ARHGAP42: variants seen among roughly 807,000 people sequenced by gnomAD.
ARHGAP42 encodes the protein Rho GTPase activating protein 42.
Under a neutral mutation model 125.0 loss-of-function variants are expected in ARHGAP42, and 63 were observed. The observed-to-expected ratio is 0.50, with a 90% CI of 0.41 to 0.62. The LOEUF (loss-of-function observed/expected upper bound fraction) is 0.62, where lower values mean the gene tolerates loss of function less well. ARHGAP42 is among the 20% of genes least tolerant of loss of function. The pLI is 0.00. For synonymous variants in ARHGAP42, 339 were observed against 351.0 expected (o/e 0.97, Z 0.38); for missense variants, 766 against 1,024.2 (o/e 0.75, Z 3.44).
At chr11:100,914,506 T>C (rs2135233207) in intron 5 of ARHGAP42, among the ~76,000 whole-genome samples, 1 of 64,910 alleles carries the variant, frequency 1.5e-5, no homozygotes, top group Non-Finnish European at 2.8e-5. Context: ...ATTGTCACCT[T>C]GAGAACAACA....
chr11:100,985,748 T>G (rs550174047), intron 22 of ARHGAP42, among the ~76,000 whole-genome samples: 1 of 152,356 alleles, frequency 6.6e-6, no homozygotes, highest in South Asian at 2.1e-4. Flanking sequence ...TCACCTCTGA[T>G]GAAAAGACTG....
rs1862466054 is a variant in ARHGAP42 at position 100,751,799 on chromosome 11, T to TTTTTTTTG, written c.155-18544_155-18543insTTTTTTTG. On this transcript the variant is annotated intron_variant, in intron 1 of 23. Transcript: ENST00000298815. ...TTTTTTTTTTTTTTTTTTTTTTTTT[T>TTTTTTTTG]GACGGAATCTCCCTTTGTCGCCCAG... 1.5e-5 allele frequency among the ~76,000 whole-genome samples: 2 copies of TTTTTTTTG among 134,374 alleles called. 1 individual carries two copies. The highest frequency in any genetic ancestry group is 3.2e-5 in the Non-Finnish European group (2 of 62,560). The allele number at this position is 134,374 out of a possible 152,430, so 88.2% of individuals were successfully genotyped here. A position where few individuals can be genotyped will look rare whatever the true frequency, so the allele number is the denominator to read the frequency against.
intron 22 of ARHGAP42, among the ~76,000 whole-genome samples, chr11:100,980,124 T>C (rs546486438): frequency 1.3e-5 from 2 of 152,306 alleles, no homozygotes; most frequent in Non-Finnish European, 2.9e-5. Context: ...TAGAGCCACT[T>C]TGGTATCTTC....
intron 3 of ARHGAP42, among the ~76,000 whole-genome samples, chr11:100,837,096 A>C (rs1001111905): frequency 3.3e-5 from 5 of 152,186 alleles, no homozygotes; most frequent in African/African-American, 4.8e-5. Flanking sequence ...AATTTCAAGA[A>C]TAGAAAGAAC....
At chr11:100,723,486 T>C (rs1423843827) in intron 1 of ARHGAP42, among the ~76,000 whole-genome samples, 1 of 152,188 alleles carries the variant, frequency 6.6e-6, no homozygotes, top group Non-Finnish European at 1.5e-5. Context: ...AGATCTTAGA[T>C]ATATTTTGTT....
At position 100,989,008 on chromosome 11, in the gene ARHGAP42, T is replaced by C. The variant is rs1386665997; in HGVS notation, c.*207T>C. 3.4e-5 allele frequency: 17 copies of C among 494,724 alleles called. 1 individual carries two copies. The South Asian group carries it at 5.8e-4, about 17-fold the overall frequency. The allele number at this position is 494,724 out of a possible 1,614,324, so 30.6% of individuals were successfully genotyped here. On this transcript the variant is annotated 3_prime_UTR_variant, in exon 24 of 24. Coordinates refer to ENST00000298815, the MANE Select transcript of ARHGAP42 (RefSeq NM_152432.4). Reference sequence around the variant, plus strand: ...CCATTCTTTTTTGGTTGGTTTCTTATTTTAAAATATCTTACTTGTGAAAAA... The same window carrying C: ...CCATTCTTTTTTGGTTGGTTTCTTACTTTAAAATATCTTACTTGTGAAAAA...
chr11:100,737,580 G>A (rs766125653), intron 1 of ARHGAP42, among the ~76,000 whole-genome samples: 16 of 151,964 alleles, frequency 1.1e-4, no homozygotes, highest in East Asian at 5.8e-4. Flanking sequence ...TTCAACGTTC[G>A]CAGGTATTCC....
rs140956414 is a variant in ARHGAP42, at chr11:100,876,459, C to T, written c.384+16834C>T. 1.4e-4 allele frequency among the ~76,000 whole-genome samples: 22 copies of T among 152,262 alleles called. No individual in the cohort carries two copies. In the East Asian group the frequency reaches 4.1e-3, roughly 28 times the overall value. ...AGATGCTTTTATTTAGTTTTCAGAA[C>T]TGCTAAATATGGTGGACAACCATCC... On this transcript the variant is annotated intron_variant, in intron 4 of 23. Transcript: ENST00000298815.
At chr11:100,713,110 A>G (rs1353154718) in intron 1 of ARHGAP42, among the ~76,000 whole-genome samples, 1 of 152,254 alleles carries the variant, frequency 6.6e-6, no homozygotes, top group Non-Finnish European at 1.5e-5. Context: ...ATTAACAACC[A>G]TAAGTGTTCT....
rs1216680048 is a variant in ARHGAP42 at position 100,938,688 on chromosome 11, T to C, written c.832+2356T>C. Among the ~76,000 whole-genome samples the C allele has an allele frequency of 1.3e-5, 2 of 152,110 alleles. 1 individual carries two copies. On this transcript the variant is annotated intron_variant, in intron 8 of 23. Transcript: ENST00000298815. ...TCCTGTCTGTTCCCACCTATCATCT[T>C]CTCCTATTCCCTTTGCCAAGGGATA...
At chr11:100,959,506 G>A (rs978518903) in intron 12 of ARHGAP42, among the ~76,000 whole-genome samples, 5 of 151,978 alleles carry the variant, frequency 3.3e-5, no homozygotes, top group South Asian at 4.1e-4. Flanking sequence ...TTTGAGAATC[G>A]CGGGAAAGGA....
intron 3 of ARHGAP42, among the ~76,000 whole-genome samples, chr11:100,819,423 A>T (rs1864353775): frequency 6.6e-6 from 1 of 152,034 alleles, no homozygotes; most frequent in African/African-American, 2.4e-5. Flanking sequence ...GAGATGGGAG[A>T]GGAGGATGAG....
intron 3 of ARHGAP42, among the ~76,000 whole-genome samples, chr11:100,805,974 C>T (rs980494799): frequency 4.6e-5 from 7 of 152,172 alleles, no homozygotes; most frequent in Non-Finnish European, 8.8e-5. Flanking sequence ...ACTCCTCATC[C>T]TGTGACTAAG....
At chr11:100,795,492 C>T (rs1402302461) in intron 3 of ARHGAP42, among the ~76,000 whole-genome samples, 2 of 152,044 alleles carry the variant, frequency 1.3e-5, no homozygotes, top group African/African-American at 4.8e-5. Flanking sequence ...GTTATAACAA[C>T]CTCAGTGTTA....
intron 1 of ARHGAP42, among the ~76,000 whole-genome samples, chr11:100,737,197 T>C (rs1862085572): frequency 6.6e-6 from 1 of 152,240 alleles, no homozygotes; most frequent in Admixed American, 6.5e-5. Context: ...CTTTTGATAG[T>C]ATTAAGGAAT....
chr11:100,771,087 T>A (rs1862967403), intron 2 of ARHGAP42, among the ~76,000 whole-genome samples: 2 of 152,238 alleles, frequency 1.3e-5, no homozygotes, highest in Non-Finnish European at 2.9e-5. Context: ...AATACTGGTT[T>A]CTTTTTTAAT....
At chr11:100,984,591 C>G (rs1334548106) in intron 22 of ARHGAP42, among the ~76,000 whole-genome samples, 1 of 151,788 alleles carries the variant, frequency 6.6e-6, no homozygotes, top group Admixed American at 6.6e-5. Flanking sequence ...GCAAATTTTG[C>G]ACACTGACCC....
At chr11:100,977,038 G>T (rs1858411971) in intron 21 of ARHGAP42, 67 bp downstream of exon 21, 2 of 1,516,434 alleles carry the variant, frequency 1.3e-6, no homozygotes, top group Non-Finnish European at 1.8e-6. Flanking sequence ...TGTTTCAGAA[G>T]AACTCTTGGG....
chr11:100,949,412 T>C (rs1477905611), intron 11 of ARHGAP42, among the ~76,000 whole-genome samples: 1 of 152,178 alleles, frequency 6.6e-6, no homozygotes, highest in African/African-American at 2.4e-5. Flanking sequence ...ATTTCAATTT[T>C]ATTATATTTT....
Sources: gnomAD v4.1 joint callset for allele counts (sites outside exome capture counted in the v4.1 genomes callset) on GRCh38, gnomAD v4.1.1 for gene constraint, MANE v1.5 for transcripts, NCBI Gene and HGNC (gene_info 2026-07-23, HGNC 2026-07-21) for gene names.